IPO11: variants seen among roughly 807,000 people sequenced by gnomAD.
IPO11 encodes the protein importin 11.
A neutral mutation model predicts 143.2 loss-of-function variants in IPO11; 66 were observed. The observed-to-expected ratio is 0.46, with a 90% confidence interval of 0.38 to 0.57. The LOEUF is 0.57. IPO11 is among the 20% of genes least tolerant of loss of function. The pLI, the probability that IPO11 is intolerant of heterozygous loss-of-function variation, is 0.00. For synonymous variants in IPO11, 385 were observed against 377.8 expected, an observed-to-expected ratio of 1.02 and a Z score of -0.22; for missense variants, 1,026 against 1,141.0, an observed-to-expected ratio of 0.90 and a Z score of 1.45.
chr5:62,552,813 C>A (rs950221162), intron 26 of IPO11, among the ~76,000 whole-genome samples: 1 of 152,084 alleles, frequency 6.6e-6, no homozygotes, highest in Non-Finnish European at 1.5e-5. Context: ...ATGGATTAAT[C>A]TCTTAAAAAT....
chr5:62,531,751 T>G (rs1742553020), intron 22 of IPO11, among the ~76,000 whole-genome samples: 1 of 152,230 alleles, frequency 6.6e-6, no homozygotes, highest in African/African-American at 2.4e-5. Flanking sequence ...ATGACCATGG[T>G]GGTTAGATAA....
intron 27 of IPO11, among the ~76,000 whole-genome samples, chr5:62,575,178 C>A (rs898746124): frequency 6.6e-6 from 1 of 152,168 alleles, no homozygotes; most frequent in African/African-American, 2.4e-5. Context: ...TAGCTACTGT[C>A]ATGATATTTT....
At chr5:62,614,106 A>T (rs1182657915) in intron 29 of IPO11, among the ~76,000 whole-genome samples, 5 of 152,146 alleles carry the variant, frequency 3.3e-5, no homozygotes, top group African/African-American at 1.2e-4. Context: ...GATTTTCTGG[A>T]GGTGTCTCCT....
intron 9 of IPO11, among the ~76,000 whole-genome samples, chr5:62,480,225 G>T (rs1273973841): frequency 6.6e-6 from 1 of 152,132 alleles, no homozygotes; most frequent in Non-Finnish European, 1.5e-5. Flanking sequence ...TTTTTGTCAG[G>T]TTTGTCAAAG....
intron 25 of IPO11, among the ~76,000 whole-genome samples, chr5:62,550,847 G>A (rs1478711646): frequency 2.0e-5 from 3 of 151,660 alleles, no homozygotes; most frequent in Non-Finnish European, 2.9e-5. Flanking sequence ...CCATGGACCT[G>A]TGTATGTTAT....
intron 7 of IPO11, among the ~76,000 whole-genome samples, chr5:62,471,254 C>T (rs1745764342): frequency 6.7e-6 from 1 of 149,462 alleles, no homozygotes; most frequent in Admixed American, 6.8e-5. Context: ...TTGGGGGTTG[C>T]TCAGGAGTTG....
At chr5:62,432,470 G>C (rs1007186176) in intron 1 of IPO11, among the ~76,000 whole-genome samples, 2 of 152,204 alleles carry the variant, frequency 1.3e-5, no homozygotes, top group Non-Finnish European at 2.9e-5. Flanking sequence ...AGAGAGCCCT[G>C]TGTTCTTGGC....
intron 27 of IPO11, chr5:62,579,596 G>C (rs761398134): frequency 8.4e-6 from 13 of 1,550,942 alleles, no homozygotes; most frequent in African/African-American, 1.4e-5. Context: ...GGCCTTTCGA[G>C]TATTCCTAAG....
intron 27 of IPO11, chr5:62,575,955 A>G (rs1412620006): frequency 6.6e-6 from 1 of 152,172 alleles, no homozygotes; most frequent in Non-Finnish European, 1.5e-5. Context: ...ATTAGTTTAA[A>G]TCTTTAAGGG....
At chr5:62,612,045 A>G (rs772566464) in intron 29 of IPO11, among the ~76,000 whole-genome samples, 1 of 148,450 alleles carries the variant, frequency 6.7e-6, no homozygotes, top group African/African-American at 2.6e-5. Context: ...ACATTCCCCT[A>G]GGTAACCTTT....
At chr5:62,591,094 G>C (rs1483491322) in intron 27 of IPO11, among the ~76,000 whole-genome samples, 2 of 152,032 alleles carry the variant, frequency 1.3e-5, no homozygotes, top group African/African-American at 4.8e-5. Flanking sequence ...CACTGCACCT[G>C]ATGCCTATTT....
At chr5:62,481,408 G>A (rs918931211) in intron 9 of IPO11, among the ~76,000 whole-genome samples, 2 of 152,100 alleles carry the variant, frequency 1.3e-5, no homozygotes, top group Admixed American at 1.3e-4. Flanking sequence ...GTCATAAATA[G>A]CACTTTTTAT....
chr5:62,558,296 T>G (rs1743645953), intron 26 of IPO11, among the ~76,000 whole-genome samples: 1 of 152,220 alleles, frequency 6.6e-6, no homozygotes, highest in Non-Finnish European at 1.5e-5. Flanking sequence ...TTATCAGTAA[T>G]AAACTATCAA....
At chr5:62,484,232 G>C in intron 11 of IPO11, 70 bp downstream of exon 11, 8 of 1,233,964 alleles carry the variant, frequency 6.5e-6, no homozygotes, top group Non-Finnish European at 8.8e-6. Context: ...TGAGTGATAG[G>C]TATAATATTG....
At chr5:62,551,408 A>G in intron 26 of IPO11, 72 bp downstream of exon 26, 2 of 828,100 alleles carry the variant, frequency 2.4e-6, no homozygotes, top group African/African-American at 1.7e-5. Flanking sequence ...TGATGAAATA[A>G]TGAGTCTTTG....
At chr5:62,601,359 A>T (rs1441008191) in intron 28 of IPO11, 1 of 153,528 alleles carries the variant, frequency 6.5e-6, no homozygotes, top group Non-Finnish European at 1.4e-5. Context: ...TGTTTGTGAT[A>T]TTTAAATTAT....
intron 22 of IPO11, among the ~76,000 whole-genome samples, chr5:62,533,060 A>T (rs1309790453): frequency 6.6e-6 from 1 of 152,140 alleles, no homozygotes; most frequent in African/African-American, 2.4e-5. Flanking sequence ...TGTTTTATGC[A>T]TTGTGGTATG....
chr5:62,454,333 G>A lies in IPO11; in HGVS notation c.516+2400G>A, dbSNP rs114124881. On this transcript the variant is annotated intron_variant, in intron 5 of 29. Coordinates refer to ENST00000325324, the MANE Select transcript of IPO11 (RefSeq NM_016338.5). ...ATTGTCTTTCCTTTTCCTCTGTTTT[G>A]TCCTCACCTCAAACCCTTCACTTCT... Among the ~76,000 whole-genome samples the A allele has an allele frequency of 9.2e-3, 1,392 of 152,064 alleles. 20 individuals are homozygous for A. The highest frequency in any genetic ancestry group is 0.032 in the African/African-American group (1,312 of 41,464).
rs575466419 is a variant in IPO11, at chr5:62,524,514, A to G, written c.1897-1628A>G. ...CTTAATATTCTTTCTTTTTTGTTTC[A>G]TGAAAGATTGAGCTATGGAGAGTGA... On this transcript the variant is annotated intron_variant, in intron 20 of 29. Coordinates refer to ENST00000325324, the MANE Select transcript of IPO11 (RefSeq NM_016338.5). Among the ~76,000 whole-genome samples, 6 of 152,140 alleles carry G rather than the reference A, an allele frequency of 3.9e-5. No individual in the cohort carries two copies. In the East Asian group the frequency reaches 9.6e-4, roughly 24 times the overall value.
Sources: allele counts gnomAD v4.1 joint callset (sites outside exome capture counted in the v4.1 genomes callset), GRCh38; gene constraint gnomAD v4.1.1; transcripts MANE v1.5; gene names NCBI Gene and HGNC (gene_info 2026-07-23, HGNC 2026-07-21).